ADCY6: variants seen among roughly 807,000 people sequenced by gnomAD.
The protein encoded by ADCY6 is adenylate cyclase type 6.
In ADCY6, 59 loss-of-function variants were observed where a neutral mutation model predicts 111.6. The observed-to-expected ratio is 0.53, with a 90% CI of 0.43 to 0.66. The LOEUF (loss-of-function observed/expected upper bound fraction) is 0.66. Among genes scored for constraint, ADCY6 ranks in the 30% least tolerant of loss-of-function variants. The pLI, the probability that ADCY6 is intolerant of heterozygous loss-of-function variation, is 0.00. For missense variants in ADCY6, 1,242 were observed against 1,595.6 expected, an observed-to-expected ratio of 0.78 and a Z score of 3.78; for synonymous variants, 576 against 642.9, an observed-to-expected ratio of 0.90 and a Z score of 1.57.
In ADCY6 at chr12:48,776,889, AT is replaced by A. The variant is rs1941719448; in HGVS notation, c.1376+214del. Reference sequence around the variant, plus strand: ...CCCTCTAGCCCAACTCCCCTACTGCATAGGCTCTCCCGGCCCCATCTCGGCT... The same window carrying A: ...CCCTCTAGCCCAACTCCCCTACTGCAAGGCTCTCCCGGCCCCATCTCGGCT... On this transcript the variant is annotated intron_variant, in intron 6 of 21. Transcript: ENST00000357869. The surrounding 1 kb of genome is among the most constrained non-coding windows in gnomAD (Gnocchi z 6.1). 2.0e-5 allele frequency among the ~76,000 whole-genome samples: 3 copies of A among 152,290 alleles called. No homozygotes were observed. Among genetic ancestry groups the A allele is most frequent in the Admixed American group, 6.5e-5 (1 of 15,296 alleles).
chr12:48,782,561 G>A lies in ADCY6; in HGVS notation c.864+10C>T. 6.2e-7 allele frequency: 1 copy of A among 1,603,458 alleles called. No individual in the cohort carries two copies. Among genetic ancestry groups the A allele is most frequent in the Admixed American group, 1.7e-5 (1 of 59,274 alleles). On this transcript the variant is annotated intron_variant, in intron 2 of 21. Coordinates refer to ENST00000357869, the MANE Select transcript of ADCY6 (RefSeq NM_015270.5). This position sits in a 1 kb window ranked among gnomAD's most constrained non-coding sequence, Gnocchi z 4.3. ...TGCTGCCCTCCATCCCTACCTCCCT[G>A]GCCACCTACCTGCTTCCAGAGGAAG...
chr12:48,771,928 G>A lies in ADCY6; in HGVS notation c.2833C>T (p.Arg945Trp). ...GGCAGAATGTTATGCAGCAGCCTCC[G>A]GTTGTATGCCTGTAGCTCCTCCATC... The part of the protein sequence containing the change: ...EEMEELQAYN[R>W]RLLHNILPKD... The change falls in exon 19 of 22, where the codon CGG (arginine) becomes TGG (tryptophan). Residue 945 changes from arginine (R) to tryptophan (W), a missense_variant. Arg to Trp is a moderately radical substitution (Grantham distance 101). This residue lies in a region of ADCY6 where 245 missense variants were observed against 371.3 expected (regional missense o/e 0.66). Transcript: ENST00000357869. This position sits in a 1 kb window ranked among gnomAD's most constrained non-coding sequence, Gnocchi z 4.3. 1.9e-6 allele frequency: 3 copies of A among 1,614,070 alleles called. No homozygotes were observed. Among genetic ancestry groups the A allele is most frequent in the Non-Finnish European group, 1.7e-6 (2 of 1,179,976 alleles).
At chr12:48,780,891 A>G (rs941465437) in intron 2 of ADCY6, among the ~76,000 whole-genome samples, 2 of 152,164 alleles carry the variant, frequency 1.3e-5, no homozygotes, top group Non-Finnish European at 2.9e-5. Flanking sequence ...TACTTTTAAA[A>G]AGGTACGTTC....
chr12:48,773,673 G>C (rs1941612367), intron 15 of ADCY6, 26 bp from the exon 16 acceptor site: 1 of 1,613,508 alleles, frequency 6.2e-7, no homozygotes, highest in Non-Finnish European at 8.5e-7. Context: ...AGGCAGCGTT[G>C]GGTGAAGGCA....
chr12:48,774,966 A>G lies in ADCY6; in HGVS notation c.2069T>C (p.Ile690Thr), dbSNP rs531658030. ...FCFICFIQLL[I>T]FPHSTLMLGI... is the part of the protein sequence containing the mutation. Reference sequence around the variant, plus strand: ...AAGGCAGGGCTCTCACTGTGGGAAGATGAGAAGCTGGATGAAGCAGATGAA... The same window carrying G: ...AAGGCAGGGCTCTCACTGTGGGAAGGTGAGAAGCTGGATGAAGCAGATGAA... The change falls in exon 12 of 22, where the codon ATC becomes ACC. Residue 690 changes from isoleucine to threonine, a missense_variant. Transcript: ENST00000357869. 17 of 1,555,112 alleles carry G rather than the reference A, an allele frequency of 1.1e-5. No individual in the cohort carries two copies. In the African/African-American group the frequency reaches 2.0e-4, roughly 19 times the overall value.
rs1015828855 is a variant in ADCY6, at chr12:48,770,869, C to T, written c.3153G>A (p.Val1051=). The T allele has an allele frequency of 9.9e-6, 16 of 1,614,116 alleles. No individual in the cohort carries two copies. Among genetic ancestry groups the T allele is most frequent in the Non-Finnish European group, 1.2e-5 (14 of 1,180,044 alleles). The part of the protein sequence containing the change: ...SGLNASTYDQ[V]GRSHITALAD... The stretch of plus-strand genomic sequence containing the variant: ...CCAGGGCAGTGATGTGGGAGCGGCC[C>T]ACCTGATCGTAGGTGCTGGCGTTCA... Residue 1051 remains valine (V), a synonymous_variant, in exon 20 of 22, where the codon GTG becomes GTA. Transcript: ENST00000357869.
chr12:48,777,477 T>G lies in ADCY6; in HGVS notation c.1181A>C (p.Gln394Pro). Residue 394 changes from glutamine to proline, a missense_variant, in exon 5 of 22, where the codon CAG becomes CCG. Coordinates refer to ENST00000357869, the MANE Select transcript of ADCY6 (RefSeq NM_015270.5). The surrounding 1 kb of genome is among the most constrained non-coding windows in gnomAD (Gnocchi z 4.9). ...DIEGFTSLAS[Q>P]CTAQELVMTL... ...CATGACCAGCTCCTGCGCAGTGCAC[T>G]GGGATGCCAGGCTGGTGAAGCCCTC... is the stretch of plus-strand genomic sequence containing the variant. The G allele has an allele frequency of 6.2e-7, 1 of 1,613,136 alleles. No individual in the cohort carries two copies. Among genetic ancestry groups the G allele is most frequent in the Non-Finnish European group, 8.5e-7 (1 of 1,180,024 alleles).
Position 48,783,228 on chromosome 12 carries a change from G to A in ADCY6, c.207C>T (p.Ala69=), listed in dbSNP as rs545725281. The A allele has an allele frequency of 3.7e-6, 6 of 1,608,742 alleles. No homozygotes were observed. The Admixed American group carries it at 1.0e-4, about 27-fold the overall frequency. ...GPPRCPWQDD[A]FIRRGGPGKG... is the part of the protein sequence containing the mutation. ...TGCCTGGGCCGCCCCTCCGGATGAA[G>A]GCGTCATCCTGCCAGGGGCACCGAG... is the stretch of plus-strand genomic sequence containing the variant. Residue 69 remains alanine, a synonymous_variant, in exon 2 of 22, where the codon GCC becomes GCT. Coordinates refer to ENST00000357869, the MANE Select transcript of ADCY6 (RefSeq NM_015270.5).
chr12:48,787,274 G>C (rs558779208), intron 1 of ADCY6, among the ~76,000 whole-genome samples: 1 of 139,342 alleles, frequency 7.2e-6, no homozygotes, highest in African/African-American at 2.7e-5. Context: ...GCACTGGCCC[G>C]GACCTGTTCC....
chr12:48,788,065 G>A (rs756527323), intron 1 of ADCY6, among the ~76,000 whole-genome samples: 3 of 152,066 alleles, frequency 2.0e-5, no homozygotes, highest in Non-Finnish European at 2.9e-5. Context: ...CTGCCCAGGC[G>A]GGGCCCAGCA....
chr12:48,779,425 C>T (rs542612503), intron 2 of ADCY6, among the ~76,000 whole-genome samples: 1 of 152,298 alleles, frequency 6.6e-6, no homozygotes, highest in South Asian at 2.1e-4. Flanking sequence ...CCTACTCACT[C>T]TACTGAGTCA....
chr12:48,774,310 A>G, intron 14 of ADCY6, 92 bp downstream of exon 14: 1 of 1,340,144 alleles, frequency 7.5e-7, no homozygotes, highest in Middle Eastern at 1.8e-4. Context: ...CCCTGAGGGC[A>G]GAAAATATGT....
intron 18 of ADCY6, 69 bp downstream of exon 18, chr12:48,772,226 T>C (rs1941568369): frequency 6.5e-7 from 1 of 1,539,624 alleles, no homozygotes; most frequent in South Asian, 1.3e-5. Flanking sequence ...TAGCACAAGA[T>C]ACATTTCTGG....
Position 48,770,874 on chromosome 12 carries a change from G to T in ADCY6, c.3148C>A (p.Gln1050Lys). 3 of 1,614,248 alleles carry T rather than the reference G, an allele frequency of 1.9e-6. No individual in the cohort carries two copies. Among genetic ancestry groups the T allele is most frequent in the Non-Finnish European group, 8.5e-7 (1 of 1,180,052 alleles). ...GCAGTGATGTGGGAGCGGCCCACCT[G>T]ATCGTAGGTGCTGGCGTTCAGCCCT... is the stretch of plus-strand genomic sequence containing the variant. ...ASGLNASTYD[Q>K]VGRSHITALA... The change falls in exon 20 of 22, where the codon CAG becomes AAG. Residue 1050 changes from glutamine to lysine, a missense_variant. Transcript: ENST00000357869.
chr12:48,775,230 C>T, intron 11 of ADCY6, 73 bp downstream of exon 11: 2 of 1,596,896 alleles, frequency 1.3e-6, no homozygotes, highest in South Asian at 1.1e-5. Context: ...TGTGCCCTCA[C>T]CTGTGCTCAG....
At position 48,783,396 on chromosome 12, in the gene ADCY6, A is replaced by G; in HGVS notation, c.39T>C (p.Asp13=). Residue 13 remains aspartate (D), a synonymous_variant, in exon 2 of 22, where the codon GAT becomes GAC. Coordinates refer to ENST00000357869, the MANE Select transcript of ADCY6 (RefSeq NM_015270.5). The stretch of plus-strand genomic sequence containing the variant: ...GTTCACCCCAGGCTGTTTTCCGTTC[A>G]TCCACTTTAGGGACCAGGAGGCCAC... ...WFSGLLVPKV[D]ERKTAWGERN... is the part of the protein sequence containing the mutation. 6.2e-7 allele frequency: 1 copy of G among 1,614,236 alleles called. No individual in the cohort carries two copies. Among genetic ancestry groups the G allele is most frequent in the Non-Finnish European group, 8.5e-7 (1 of 1,180,034 alleles).
At chr12:48,769,790 C>A (rs1350105340) in intron 20 of ADCY6, among the ~76,000 whole-genome samples, 100 of 142,636 alleles carry the variant, frequency 7.0e-4, no homozygotes, top group African/African-American at 2.4e-3. Flanking sequence ...GGGACAGAGT[C>A]TCGCTCTGTC....
In ADCY6 at chr12:48,774,984, C is replaced by T; in HGVS notation, c.2051G>A (p.Cys684Tyr). 6.4e-7 allele frequency: 1 copy of T among 1,557,110 alleles called. No homozygotes were observed. The highest frequency in any genetic ancestry group is 8.7e-7 in the Non-Finnish European group (1 of 1,150,066). ...ACALLVFCFI[C>Y]FIQLLIFPHS... is the part of the protein sequence containing the mutation. ...TGGGAAGATGAGAAGCTGGATGAAGCAGATGAAGCAGAAGACCAACAGGGC... is the reference window on the plus strand; with the variant it reads ...TGGGAAGATGAGAAGCTGGATGAAGTAGATGAAGCAGAAGACCAACAGGGC... The change falls in exon 12 of 22, where the codon TGC (cysteine) becomes TAC (tyrosine). Residue 684 changes from cysteine to tyrosine, a missense_variant. By Grantham distance (194) the Cys-to-Tyr change is radical. This residue lies in a region of ADCY6 where 375 missense variants were observed against 432.5 expected (regional missense o/e 0.87). Transcript: ENST00000357869.
Position 48,783,269 on chromosome 12 carries a change from T to C in ADCY6, c.166A>G (p.Thr56Ala), listed in dbSNP as rs1273927806. The change falls in exon 2 of 22, where the codon ACC (threonine) becomes GCC (alanine). Residue 56 changes from threonine (T) to alanine (A), a missense_variant. Physicochemically the swap from Thr to Ala is moderately conservative, Grantham distance 58 (BLOSUM62 0). Around this residue, in one of 4 missense-constraint regions of ADCY6, gnomAD observed 362 missense variants for 377.2 expected, o/e 0.96. Coordinates refer to ENST00000357869, the MANE Select transcript of ADCY6 (RefSeq NM_015270.5). ...CLRDAEPPSP[T>A]PAGPPRCPWQ... ...GGGCACCGAGGGGGGCCCGCAGGGGTGGGGCTGGGTGGCTCTGCATCCCGG... is the reference window on the plus strand; with the variant it reads ...GGGCACCGAGGGGGGCCCGCAGGGGCGGGGCTGGGTGGCTCTGCATCCCGG... 1 of 1,611,312 alleles carries C rather than the reference T, an allele frequency of 6.2e-7. No individual in the cohort carries two copies. Among genetic ancestry groups the C allele is most frequent in the Non-Finnish European group, 8.5e-7 (1 of 1,179,288 alleles).
Sources: allele counts gnomAD v4.1 joint callset (sites outside exome capture counted in the v4.1 genomes callset), GRCh38; gene constraint gnomAD v4.1.1; regional missense constraint gnomAD v4.1.1; non-coding constraint Gnocchi (gnomAD v3.1); transcripts MANE v1.5; gene names NCBI Gene and HGNC (gene_info 2026-07-23, HGNC 2026-07-21).